FOXO1: variants seen among roughly 807,000 people sequenced by gnomAD.
FOXO1 encodes forkhead box protein O1.
Under a neutral mutation model 44.1 loss-of-function variants are expected in FOXO1, and 6 were observed. The ratio of observed to expected loss-of-function variants is 0.14; its 90% CI spans 0.07 to 0.27. The LOEUF (loss-of-function observed/expected upper bound fraction) is 0.27. FOXO1 is among the 10% of genes least tolerant of loss of function. FOXO1 has a pLI of 1.00. For missense variants in FOXO1, 737 were observed against 888.8 expected, an observed-to-expected ratio of 0.83 and a Z score of 2.17; for synonymous variants, 380 against 362.7, an observed-to-expected ratio of 1.05 and a Z score of -0.54.
At chr13:40,607,924 C>A (rs1876079488) in intron 1 of FOXO1, among the ~76,000 whole-genome samples, 2 of 152,256 alleles carry the variant, frequency 1.3e-5, no homozygotes, top group African/African-American at 4.8e-5. Context: ...ACTGCTGAAA[C>A]AGATTTTGAA....
rs1318234842 is a variant in FOXO1 at position 40,555,829 on chromosome 13, T to C, written c.*3220A>G. ...ATAGCAAAGATTGTTCTTGTGTCTG[T>C]AAGTACATCAACATCAGGCACTTCT... On this transcript the variant is annotated 3_prime_UTR_variant, in exon 3 of 3. Transcript: ENST00000379561. The C allele has an allele frequency of 1.3e-5, 2 of 152,710 alleles. No individual in the cohort carries two copies. The highest frequency in any genetic ancestry group is 1.5e-5 in the Non-Finnish European group (1 of 68,052). 9.5% of individuals were successfully genotyped at this position (152,710 alleles called of 1,614,324 possible). A position where few individuals can be genotyped will look rare whatever the true frequency, so the allele number is the denominator to read the frequency against.
At chr13:40,631,109 C>G in intron 1 of FOXO1, among the ~76,000 whole-genome samples, 1 of 152,182 alleles carries the variant, frequency 6.6e-6, no homozygotes, top group South Asian at 2.1e-4. Flanking sequence ...CCAGAGTTCT[C>G]AATCATTCAG....
chr13:40,612,753 T>C (rs573819992), intron 1 of FOXO1, among the ~76,000 whole-genome samples: 17 of 152,330 alleles, frequency 1.1e-4, no homozygotes, highest in African/African-American at 4.1e-4. Flanking sequence ...ACTGTTATTA[T>C]TGGTCTGTTT....
intron 1 of FOXO1, among the ~76,000 whole-genome samples, chr13:40,654,122 T>C (rs1877774194): frequency 6.6e-6 from 1 of 151,738 alleles, no homozygotes; most frequent in South Asian, 2.1e-4. Context: ...TCATGGGGTA[T>C]ATCATTAGGA....
rs117843805 is a variant in FOXO1 at position 40,603,154 on chromosome 13, T to C, written c.631-42294A>G. On this transcript the variant is annotated intron_variant, in intron 1 of 2. Transcript: ENST00000379561. ...ATGCCTGTACCGTGTATTTCCATTT[T>C]AGGCTTCTCTCAGGACATGCTTAAG... Among the ~76,000 whole-genome samples the C allele has an allele frequency of 3.8e-3, 574 of 152,322 alleles. 1 individual carries two copies. The highest frequency in any genetic ancestry group is 6.3e-3 in the Non-Finnish European group (431 of 68,030).
intron 1 of FOXO1, among the ~76,000 whole-genome samples, chr13:40,614,479 G>A (rs1032788685): frequency 6.6e-6 from 1 of 152,134 alleles, no homozygotes; most frequent in African/African-American, 2.4e-5. Flanking sequence ...CTGAAAACAT[G>A]GTCAATGACG....
At chr13:40,584,913 C>A (rs1201722871) in intron 1 of FOXO1, among the ~76,000 whole-genome samples, 1 of 152,164 alleles carries the variant, frequency 6.6e-6, no homozygotes, top group African/African-American at 2.4e-5. Context: ...TTGGGAACAC[C>A]TGAACTACTT....
At chr13:40,581,730 T>G (rs1243164704) in intron 1 of FOXO1, among the ~76,000 whole-genome samples, 1 of 152,228 alleles carries the variant, frequency 6.6e-6, no homozygotes, top group Non-Finnish European at 1.5e-5. Flanking sequence ...AACTATTAAG[T>G]ATGGGGCCAT....
chr13:40,561,678 T>C (rs1265804244), intron 1 of FOXO1, among the ~76,000 whole-genome samples: 1 of 150,956 alleles, frequency 6.6e-6, no homozygotes, highest in African/African-American at 2.4e-5. Context: ...ATATAGAATA[T>C]AGAATATAGG....
Position 40,619,452 on chromosome 13 carries a change from A to G in FOXO1, c.630+46131T>C. ...GACAAAATGGGAATCAAAATTGGAGAGCTGTGAGTCGAACAAACTCGAACA... is the reference window on the plus strand; with the variant it reads ...GACAAAATGGGAATCAAAATTGGAGGGCTGTGAGTCGAACAAACTCGAACA... On this transcript the variant is annotated intron_variant, in intron 1 of 2. Transcript: ENST00000379561. 3.3e-6 allele frequency: 4 copies of G among 1,224,784 alleles called. No homozygotes were observed. In the South Asian group the frequency reaches 4.8e-5, roughly 15 times the overall value. 75.9% of individuals were successfully genotyped at this position (1,224,784 alleles called of 1,614,324 possible).
At chr13:40,661,212 C>CA (rs1304087738) in intron 1 of FOXO1, among the ~76,000 whole-genome samples, 2 of 152,162 alleles carry the variant, frequency 1.3e-5, no homozygotes, top group Admixed American at 6.5e-5. Context: ...ATAACCCCCT[C>CA]ATCCATTTTA....
chr13:40,645,148 T>C (rs960539493), intron 1 of FOXO1, among the ~76,000 whole-genome samples: 1 of 152,176 alleles, frequency 6.6e-6, no homozygotes, highest in Non-Finnish European at 1.5e-5. Context: ...AAGTCAAATA[T>C]GAGTTAATGA....
intron 1 of FOXO1, among the ~76,000 whole-genome samples, chr13:40,582,437 T>G (rs1369685290): frequency 6.6e-6 from 1 of 151,324 alleles, no homozygotes; most frequent in African/African-American, 2.4e-5. Flanking sequence ...GATTGACTCT[T>G]TCTTTCACGA....
chr13:40,629,668 G>C (rs1264839488), intron 1 of FOXO1, among the ~76,000 whole-genome samples: 1 of 152,188 alleles, frequency 6.6e-6, no homozygotes, highest in Non-Finnish European at 1.5e-5. Context: ...TGCCACTCAA[G>C]AAGTTTCAGA....
intron 1 of FOXO1, among the ~76,000 whole-genome samples, chr13:40,572,372 T>TAGTAAACAG (rs1219809927): frequency 8.0e-5 from 12 of 150,854 alleles, no homozygotes; most frequent in African/African-American, 3.0e-4. Flanking sequence ...TAAGAATTCT[T>TAGTAAACAG]AGTAAACAGA....
chr13:40,639,200 T>TA (rs577474037), intron 1 of FOXO1, among the ~76,000 whole-genome samples: 98 of 143,756 alleles, frequency 6.8e-4, no homozygotes, highest in East Asian at 1.0e-3. Context: ...ACTCTGTCTT[T>TA]AAAAAAAAAA....
chr13:40,562,490 C>T (rs1156939284), intron 1 of FOXO1, among the ~76,000 whole-genome samples: 1 of 152,138 alleles, frequency 6.6e-6, no homozygotes, highest in African/African-American at 2.4e-5. Context: ...GGCTAAATTA[C>T]AGAGCCTTAT....
intron 1 of FOXO1, among the ~76,000 whole-genome samples, chr13:40,565,988 T>C (rs1204046277): frequency 6.6e-6 from 1 of 152,242 alleles, no homozygotes; most frequent in Admixed American, 6.5e-5. Flanking sequence ...GCCTCAGAAC[T>C]GATTCAAATA....
rs1006100999 is a variant in FOXO1 at position 40,666,161 on chromosome 13, G to C, written c.52C>G (p.Pro18Ala). ...VEIDPDFEPL[P>A]RPRSCTWPLP... The stretch of plus-strand genomic sequence containing the variant: ...GGCCAGGTGCACGAGCGCGGCCGGG[G>C]CAGCGGCTCGAAGTCCGGGTCGATC... Residue 18 changes from proline to alanine, a missense_variant, in exon 1 of 3, where the codon CCC becomes GCC. By Grantham distance (27) the Pro-to-Ala change is conservative. This residue lies in a region of FOXO1 where 213 missense variants were observed against 236.4 expected (regional missense o/e 0.90). Coordinates refer to ENST00000379561, the MANE Select transcript of FOXO1 (RefSeq NM_002015.4). The C allele has an allele frequency of 2.1e-6, 3 of 1,462,890 alleles. No homozygotes were observed. Among genetic ancestry groups the C allele is most frequent in the Non-Finnish European group, 2.7e-6 (3 of 1,110,716 alleles). The allele number at this position is 1,462,890 out of a possible 1,614,324, so 90.6% of individuals were successfully genotyped here.
Sources: gnomAD v4.1 joint callset for allele counts (sites outside exome capture counted in the v4.1 genomes callset) on GRCh38, gnomAD v4.1.1 for gene constraint, gnomAD v4.1.1 regional missense constraint, MANE v1.5 for transcripts, NCBI Gene and HGNC (gene_info 2026-07-23, HGNC 2026-07-21) for gene names.